OTUD3: variants seen among roughly 807,000 people sequenced by gnomAD.
OTUD3 encodes OTU domain-containing protein 3.
In OTUD3, 24 loss-of-function variants were observed where a neutral mutation model predicts 46.2. The observed-to-expected ratio is 0.52, with a 90% CI of 0.38 to 0.73. The LOEUF (loss-of-function observed/expected upper bound fraction) is 0.73. Among genes scored for constraint, OTUD3 ranks in the 30% least tolerant of loss-of-function variants. OTUD3 has a pLI of 0.00. For synonymous variants in OTUD3, 189 were observed against 195.4 expected (o/e 0.97, Z 0.27); for missense variants, 455 against 523.3 (o/e 0.87, Z 1.27).
chr1:19,891,821 C>T (rs897748219), intron 2 of OTUD3, among the ~76,000 whole-genome samples: 1 of 152,162 alleles, frequency 6.6e-6, no homozygotes, highest in African/African-American at 2.4e-5. Context: ...GTGGTTTGTA[C>T]CAATCACTGA....
intron 1 of OTUD3, among the ~76,000 whole-genome samples, chr1:19,887,549 T>C (rs559407836): frequency 8.1e-4 from 124 of 152,342 alleles, no homozygotes; most frequent in Middle Eastern, 3.4e-3. Context: ...TTGCTAGTTA[T>C]AGAAATTGGC....
At chr1:19,895,903 T>C (rs976686513) in intron 3 of OTUD3, among the ~76,000 whole-genome samples, 2 of 152,222 alleles carry the variant, frequency 1.3e-5, no homozygotes, top group Admixed American at 1.3e-4. Flanking sequence ...CAGCTTGCCT[T>C]TTCCTCCATT....
rs528506574 is a variant in OTUD3 at position 19,882,396 on chromosome 1, C to T, written c.-118C>T. The T allele has an allele frequency of 4.1e-5, 53 of 1,301,406 alleles. No homozygotes were observed. In the African/African-American group the frequency reaches 7.6e-4, roughly 19 times the overall value. The allele number at this position is 1,301,406 out of a possible 1,614,324, so 80.6% of individuals were successfully genotyped here. On this transcript the variant is annotated 5_prime_UTR_variant, in exon 1 of 8. Transcript: ENST00000375120. The stretch of plus-strand genomic sequence containing the variant: ...CTGGGCGCCGGCGCAGGCGCGGTTG[C>T]TGCGTAGTCGTCGCCGGGCTCCGTT...
chr1:19,890,233 G>A (rs764134684), intron 1 of OTUD3, 152 bp from the exon 2 acceptor site: 59 of 674,288 alleles, frequency 8.7e-5, no homozygotes, highest in Non-Finnish European at 1.3e-4. Flanking sequence ...GCTGTCCCCC[G>A]TGGTCTTGGA....
Position 19,912,936 on chromosome 1 carries a change from T to TA in OTUD3, c.*5195dup, listed in dbSNP as rs1289663104. The TA allele has an allele frequency of 6.6e-6, 1 of 152,394 alleles. No individual in the cohort carries two copies. Among genetic ancestry groups the TA allele is most frequent in the African/African-American group, 2.4e-5 (1 of 41,464 alleles). 9.4% of individuals were successfully genotyped at this position (152,394 alleles called of 1,614,324 possible). A position where few individuals can be genotyped will look rare whatever the true frequency, so the allele number is the denominator to read the frequency against. ...TTTTGTATACCAATAAATTCTAGTT[T>TA]AAAAACAAAGTTTTAAGTTGTTTTT... is the stretch of plus-strand genomic sequence containing the variant. On this transcript the variant is annotated 3_prime_UTR_variant, in exon 8 of 8. Transcript: ENST00000375120.
chr1:19,899,361 T>A (rs1557679417), intron 4 of OTUD3, among the ~76,000 whole-genome samples: 1 of 152,222 alleles, frequency 6.6e-6, no homozygotes. Flanking sequence ...ATCCTACACA[T>A]ACTACACATC....
In OTUD3 at chr1:19,909,262, G is replaced by A. The variant is rs377255088; in HGVS notation, c.*1516G>A. The A allele has an allele frequency of 2.0e-5, 3 of 152,266 alleles. No homozygotes were observed. The highest frequency in any genetic ancestry group is 7.2e-5 in the African/African-American group (3 of 41,412). 9.4% of individuals were successfully genotyped at this position (152,266 alleles called of 1,614,324 possible). On this transcript the variant is annotated 3_prime_UTR_variant, in exon 8 of 8. Coordinates refer to ENST00000375120, the MANE Select transcript of OTUD3 (RefSeq NM_015207.2). Reference sequence around the variant, plus strand: ...CCTTTGGCTTTCTTCAGTTTCACTGGTATCTTTTGGTTTTGTTTTTGACTT... The same window carrying A: ...CCTTTGGCTTTCTTCAGTTTCACTGATATCTTTTGGTTTTGTTTTTGACTT...
chr1:19,882,629 A>G lies in OTUD3; in HGVS notation c.116A>G (p.Asn39Ser). Residue 39 changes from asparagine to serine, a missense_variant, in exon 1 of 8, where the codon AAT becomes AGT. Asn to Ser is a conservative substitution (Grantham distance 46). Transcript: ENST00000375120. ...CGGGCCCTGGCCAAGGAGCGGCGGA[A>G]TCGGCCGGAGTCTGGCGGCGGCGGC... The part of the protein sequence containing the change: ...ARRALAKERR[N>S]RPESGGGGGC... 6.8e-7 allele frequency: 1 copy of G among 1,460,282 alleles called. No homozygotes were observed. Among genetic ancestry groups the G allele is most frequent in the Non-Finnish European group, 9.0e-7 (1 of 1,108,490 alleles). 90.5% of individuals were successfully genotyped at this position (1,460,282 alleles called of 1,614,324 possible).
chr1:19,882,642 T>TGGCGGC lies in OTUD3; in HGVS notation c.139_144dup (p.Gly47_Gly48dup), dbSNP rs760015062. ...AGGAGCGGCGGAATCGGCCGGAGTCTGGCGGCGGCGGCGGCTGCGAGGAGG... is the reference window on the plus strand; with the variant it reads ...AGGAGCGGCGGAATCGGCCGGAGTCTGGCGGCGGCGGCGGCGGCGGCTGCGAGGAGG... On this transcript the variant is annotated inframe_insertion, in exon 1 of 8. Coordinates refer to ENST00000375120, the MANE Select transcript of OTUD3 (RefSeq NM_015207.2). 3.8e-5 allele frequency: 56 copies of TGGCGGC among 1,461,466 alleles called. No homozygotes were observed. Among genetic ancestry groups the TGGCGGC allele is most frequent in the Middle Eastern group, 2.4e-4 (1 of 4,218 alleles). The allele number at this position is 1,461,466 out of a possible 1,614,324, so 90.5% of individuals were successfully genotyped here.
chr1:19,901,768 G>A (rs1481212828), intron 4 of OTUD3, among the ~76,000 whole-genome samples: 1 of 152,176 alleles, frequency 6.6e-6, no homozygotes, highest in Non-Finnish European at 1.5e-5. Flanking sequence ...GGAATTATAT[G>A]TGACTTTTTC....
chr1:19,894,557 T>C (rs1408087298), intron 3 of OTUD3, 77 bp downstream of exon 3: 1 of 870,122 alleles, frequency 1.1e-6, no homozygotes, highest in African/African-American at 1.7e-5. Flanking sequence ...GATGAGGGGC[T>C]TGACCTGTGA....
chr1:19,908,890 G>T lies in OTUD3; in HGVS notation c.*1144G>T, dbSNP rs1257673825. 1.3e-5 allele frequency: 2 copies of T among 152,372 alleles called. No individual in the cohort carries two copies. The highest frequency in any genetic ancestry group is 4.8e-5 in the African/African-American group (2 of 41,462). The allele number at this position is 152,372 out of a possible 1,614,324, so 9.4% of individuals were successfully genotyped here. A position where few individuals can be genotyped will look rare whatever the true frequency, so the allele number is the denominator to read the frequency against. On this transcript the variant is annotated 3_prime_UTR_variant, in exon 8 of 8. Transcript: ENST00000375120. ...GGAAGTTGTTGGACCAGCAGGGTTG[G>T]TTGACTTAGGTTGGACCAGCAGAGA...
chr1:19,899,884 ATG>A (rs2045562920), intron 4 of OTUD3, among the ~76,000 whole-genome samples: 2 of 152,126 alleles, frequency 1.3e-5, no homozygotes, highest in South Asian at 4.2e-4. Flanking sequence ...TTTTTTGTAA[ATG>A]GTATTCATTT....
chr1:19,902,699 A>G (rs1478686849), intron 4 of OTUD3, among the ~76,000 whole-genome samples: 1 of 152,126 alleles, frequency 6.6e-6, no homozygotes, highest in Non-Finnish European at 1.5e-5. Context: ...TTACCCAGGT[A>G]TATGATTTGC....
chr1:19,900,243 G>A (rs911616863), intron 4 of OTUD3, among the ~76,000 whole-genome samples: 5 of 151,596 alleles, frequency 3.3e-5, no homozygotes, highest in South Asian at 2.1e-4. Flanking sequence ...TCACTCTGTC[G>A]CCCAGGCTGG....
rs1168975212 is a variant in OTUD3, at chr1:19,903,067, A to G, written c.607-1200A>G. 6.1e-5 allele frequency among the ~76,000 whole-genome samples: 4 copies of G among 65,656 alleles called. No homozygotes were observed. The Admixed American group carries it at 6.3e-4, about 10-fold the overall frequency. 43.1% of individuals were successfully genotyped at this position (65,656 alleles called of 152,430 possible). ...TTTTTTTTTTTTTTTTTTTTTTTTG[A>G]GACAAGGTCTAGCTCTGTTGTCCAG... On this transcript the variant is annotated intron_variant, in intron 4 of 7. Coordinates refer to ENST00000375120, the MANE Select transcript of OTUD3 (RefSeq NM_015207.2).
chr1:19,888,194 C>T (rs528709100), intron 1 of OTUD3, among the ~76,000 whole-genome samples: 20 of 152,264 alleles, frequency 1.3e-4, no homozygotes, highest in African/African-American at 3.6e-4. Context: ...CCTAAACTTC[C>T]TACAGTGCAC....
intron 2 of OTUD3, among the ~76,000 whole-genome samples, chr1:19,893,483 AAT>A (rs1383730549): frequency 6.6e-6 from 1 of 152,168 alleles, no homozygotes; most frequent in Non-Finnish European, 1.5e-5. Flanking sequence ...GTACACATAG[AAT>A]ATTGTCACCT....
chr1:19,888,492 T>A (rs1332940285), intron 1 of OTUD3, among the ~76,000 whole-genome samples: 1 of 152,230 alleles, frequency 6.6e-6, no homozygotes, highest in African/African-American at 2.4e-5. Flanking sequence ...AAAGAAAGTT[T>A]GGTAAGTAAT....
Sources: allele counts gnomAD v4.1 joint callset (sites outside exome capture counted in the v4.1 genomes callset), GRCh38; gene constraint gnomAD v4.1.1; transcripts MANE v1.5; gene names NCBI Gene and HGNC (gene_info 2026-07-23, HGNC 2026-07-21).